Variants in MSI1 observed in about 807,000 individuals in gnomAD.
The protein encoded by MSI1 is musashi RNA binding protein 1, also known as RNA-binding protein Musashi homolog 1.
MSI1 carries 15 observed loss-of-function variants against 54.4 expected under a neutral mutation model. That is an observed-to-expected ratio of 0.28 (90% CI 0.18 to 0.42). The LOEUF (loss-of-function observed/expected upper bound fraction) is 0.42, where lower values mean the gene tolerates loss of function less well. MSI1 is among the 20% of genes least tolerant of loss of function. The pLI, the probability that MSI1 is intolerant of heterozygous loss-of-function variation, is 1.00. For synonymous variants in MSI1, 200 were observed against 196.5 expected (o/e 1.02, Z -0.15); for missense variants, 304 against 506.0 (o/e 0.60, Z 3.83).
At chr12:120,348,472 C>T (rs1264397209) in intron 11 of MSI1, among the ~76,000 whole-genome samples, 2 of 152,154 alleles carry the variant, frequency 1.3e-5, no homozygotes, top group African/African-American at 4.8e-5. Flanking sequence ...CCCACTCAGG[C>T]GGCCCCTTGT....
At chr12:120,340,585 G>T (rs1873632987), downstream of MSI1, among the ~76,000 whole-genome samples, 1 of 151,934 alleles carries the variant, frequency 6.6e-6, no homozygotes, top group South Asian at 2.1e-4. Context: ...CAAGAACATG[G>T]CTCACTGCAG....
chr12:120,354,918 C>G (rs916842), intron 9 of MSI1, among the ~76,000 whole-genome samples: 110,439 of 151,342 alleles, frequency 0.73, 40,517 homozygotes, highest in South Asian at 0.79. Flanking sequence ...GTCTGGCTGG[C>G]CATGGTGGCT....
intron 8 of MSI1, 108 bp downstream of exon 8, chr12:120,357,708 G>C (rs906373223): frequency 2.4e-5 from 25 of 1,048,970 alleles, no homozygotes; most frequent in Non-Finnish European, 3.6e-5. Flanking sequence ...GTTTCACTGT[G>C]TTGGCCAATC....
chr12:120,350,714 C>T (rs548620523), intron 11 of MSI1, among the ~76,000 whole-genome samples: 1 of 152,154 alleles, frequency 6.6e-6, no homozygotes, highest in African/African-American at 2.4e-5. Context: ...GTGAAGGTGC[C>T]AGCCAGGAAA....
At chr12:120,351,211 T>G (rs10849743) in intron 11 of MSI1, 133 bp downstream of exon 11, 158,135 of 883,322 alleles carry the variant, frequency 0.18, 17,913 homozygotes, top group African/African-American at 0.49. Flanking sequence ...AGGCACAGTC[T>G]GCTGTGTCCC....
rs376073182 is a variant in MSI1 at position 120,357,841 on chromosome 12, T to C, written c.509A>G (p.His170Arg). The change falls in exon 8 of 15, where the codon CAT (histidine) becomes CGT (arginine). Residue 170 changes from histidine (H) to arginine (R), a missense_variant. Transcript: ENST00000257552. ...CATTTTGTTGTTGATTTCATGAAAATGAATTTCACACACTTTCTCCACGAT... is the reference window on the plus strand; with the variant it reads ...CATTTTGTTGTTGATTTCATGAAAACGAATTTCACACACTTTCTCCACGAT... ...EDIVEKVCEI[H>R]FHEINNKMVE... 1 of 1,613,934 alleles carries C rather than the reference T, an allele frequency of 6.2e-7. No individual in the cohort carries two copies. Among genetic ancestry groups the C allele is most frequent in the Non-Finnish European group, 8.5e-7 (1 of 1,180,010 alleles).
intron 6 of MSI1, among the ~76,000 whole-genome samples, chr12:120,361,715 C>T (rs1334677385): frequency 2.0e-5 from 3 of 150,776 alleles, no homozygotes; most frequent in African/African-American, 4.9e-5. Flanking sequence ...GGCGGCCCCT[C>T]GATCCGGGCG....
At chr12:120,364,532 A>G (rs1049188531) in intron 5 of MSI1, among the ~76,000 whole-genome samples, 182 bp downstream of exon 5, 1 of 152,112 alleles carries the variant, frequency 6.6e-6, no homozygotes, top group African/African-American at 2.4e-5. Flanking sequence ...GTGGAAAGAC[A>G]TATAGTGTCT....
chr12:120,363,283 C>T (rs1875805911), intron 5 of MSI1, 148 bp from the exon 6 acceptor site: 4 of 624,884 alleles, frequency 6.4e-6, no homozygotes, highest in Non-Finnish European at 1.1e-5. Context: ...CAAGCTCCCT[C>T]TTGGACCCCC....
rs1876175358 is a variant in MSI1, at chr12:120,368,554, G to A, written c.100+279C>T. Among the ~76,000 whole-genome samples, 1 of 152,000 alleles carries A rather than the reference G, an allele frequency of 6.6e-6. No homozygotes were observed. Among genetic ancestry groups the A allele is most frequent in the Non-Finnish European group, 1.5e-5 (1 of 67,962 alleles). Reference sequence around the variant, plus strand: ...GAGCAGCCTCACAAAAGTTTGAGCCGCAGGTGCGAGCGGAGTTGGCGCTGC... The same window carrying A: ...GAGCAGCCTCACAAAAGTTTGAGCCACAGGTGCGAGCGGAGTTGGCGCTGC... On this transcript the variant is annotated intron_variant, in intron 2 of 14. Transcript: ENST00000257552. This position sits in a 1 kb window ranked among gnomAD's most constrained non-coding sequence, Gnocchi z 6.6.
Position 120,353,313 on chromosome 12 carries a change from G to C in MSI1, c.719C>G (p.Thr240Ser), listed in dbSNP as rs751926447. 1 of 1,614,118 alleles carries C rather than the reference G, an allele frequency of 6.2e-7. No homozygotes were observed. The highest frequency in any genetic ancestry group is 1.3e-5 in the African/African-American group (1 of 75,038). The change falls in exon 10 of 15, where the codon ACC becomes AGC. Residue 240 changes from threonine to serine, a missense_variant. Physicochemically the swap from Thr to Ser is moderately conservative, Grantham distance 58. This residue lies in a region of MSI1 where 147 missense variants were observed against 231.5 expected (regional missense o/e 0.64). Coordinates refer to ENST00000257552, the MANE Select transcript of MSI1 (RefSeq NM_002442.4). ...RSYTGLAPGY[T>S]YQFPEFRVER... is the part of the protein sequence containing the mutation. ...GCAGGACTTACCGGGGAACTGGTAG[G>C]TGTAGCCAGGGGCGAGGCCTGTATA...
At chr12:120,361,862 G>T (rs1009761393) in intron 6 of MSI1, among the ~76,000 whole-genome samples, 3 of 151,894 alleles carry the variant, frequency 2.0e-5, no homozygotes, top group Non-Finnish European at 2.9e-5. Flanking sequence ...CAAAAGACGC[G>T]GCCGCTGACG....
intron 11 of MSI1, among the ~76,000 whole-genome samples, chr12:120,350,646 A>G (rs944459249): frequency 6.6e-6 from 1 of 152,128 alleles, no homozygotes; most frequent in Non-Finnish European, 1.5e-5. Flanking sequence ...AGCCCACCCC[A>G]CGTGCTTGCA....
chr12:120,351,616 C>T (rs1874603261), intron 10 of MSI1, among the ~76,000 whole-genome samples: 1 of 151,898 alleles, frequency 6.6e-6, no homozygotes, highest in South Asian at 2.1e-4. Context: ...AGAGTTGCCA[C>T]CTATACCCTG....
chr12:120,344,702 C>T (rs1404636020), intron 14 of MSI1, among the ~76,000 whole-genome samples: 1 of 136,334 alleles, frequency 7.3e-6, no homozygotes, highest in East Asian at 2.3e-4. Flanking sequence ...GAGACCACAT[C>T]TCTATTAAAA....
chr12:120,350,948 G>C (rs1246249640), intron 11 of MSI1, among the ~76,000 whole-genome samples: 1 of 152,152 alleles, frequency 6.6e-6, no homozygotes, highest in African/African-American at 2.4e-5. Context: ...CTCCCGGCAA[G>C]AGTCAGCTGG....
chr12:120,354,119 T>C (rs1874872401), intron 9 of MSI1, among the ~76,000 whole-genome samples: 1 of 151,788 alleles, frequency 6.6e-6, no homozygotes, highest in South Asian at 2.1e-4. Context: ...CTAGTAGCTG[T>C]GACTACAAGG....
intron 10 of MSI1, 132 bp from the exon 11 acceptor site, chr12:120,351,532 G>A: frequency 1.4e-6 from 1 of 731,994 alleles, no homozygotes; most frequent in Non-Finnish European, 2.2e-6. Context: ...GAGCTGGGGA[G>A]GGGGAGAGCA....
chr12:120,368,785 G>A lies in MSI1; in HGVS notation c.100+48C>T, dbSNP rs759935206. On this transcript the variant is annotated intron_variant, in intron 2 of 14. Transcript: ENST00000257552. The surrounding 1 kb of genome is among the most constrained non-coding windows in gnomAD (Gnocchi z 6.6). ...GGTGTCCGGGTCCGGGGCGCCGGGGGGTCCGGGGTGCCCTGCCGGACCGGC... is the reference window on the plus strand; with the variant it reads ...GGTGTCCGGGTCCGGGGCGCCGGGGAGTCCGGGGTGCCCTGCCGGACCGGC... 7 of 1,385,578 alleles carry A rather than the reference G, an allele frequency of 5.1e-6. No homozygotes were observed. The highest frequency in any genetic ancestry group is 3.4e-5 in the East Asian group (1 of 29,620). 85.8% of individuals were successfully genotyped at this position (1,385,578 alleles called of 1,614,324 possible).
Sources: gnomAD v4.1 joint callset for allele counts (sites outside exome capture counted in the v4.1 genomes callset) on GRCh38, gnomAD v4.1.1 for gene constraint, gnomAD v4.1.1 regional missense constraint, Gnocchi (gnomAD v3.1) non-coding constraint, MANE v1.5 for transcripts, NCBI Gene and HGNC (gene_info 2026-07-23, HGNC 2026-07-21) for gene names.